The following LHFPL3 variants were observed in gnomAD, a reference collection of about 807,000 sequenced individuals.
The protein encoded by LHFPL3 is LHFPL tetraspan subfamily member 3, also known as LHFPL tetraspan subfamily member 3 protein.
LHFPL3 carries 5 observed loss-of-function variants against 19.3 expected under a neutral mutation model. The ratio of observed to expected loss-of-function variants is 0.26; its 90% CI spans 0.14 to 0.54. The LOEUF is 0.54. LHFPL3 is among the 20% of genes least tolerant of loss of function. The pLI is 0.94. For missense variants in LHFPL3, 249 were observed against 307.4 expected (o/e 0.81, Z 1.42); for synonymous variants, 133 against 126.2 (o/e 1.05, Z -0.36).
intron 2 of LHFPL3, among the ~76,000 whole-genome samples, chr7:104,832,622 TTC>T (rs1445500580): frequency 2.7e-4 from 5 of 18,850 alleles, no homozygotes; most frequent in African/African-American, 4.6e-4. Context: ...TCTTTTTTCC[TTC>T]TTTTTTTTTT....
At chr7:104,847,613 C>T (rs1012907088) in intron 2 of LHFPL3, among the ~76,000 whole-genome samples, 5 of 152,132 alleles carry the variant, frequency 3.3e-5, no homozygotes, top group Admixed American at 2.0e-4. Flanking sequence ...CAGGTTTGAG[C>T]GATTCTCCTG....
chr7:104,464,169 A>G (rs1792729863), intron 1 of LHFPL3, among the ~76,000 whole-genome samples: 1 of 152,240 alleles, frequency 6.6e-6, no homozygotes, highest in African/African-American at 2.4e-5. Context: ...TAAACCTTAA[A>G]GTTCTAAAAT....
Position 104,663,013 on chromosome 7 carries a change from C to A in LHFPL3, c.446-73662C>A, listed in dbSNP as rs76243801. Among the ~76,000 whole-genome samples the A allele has an allele frequency of 5.1e-3, 784 of 152,296 alleles. 44 individuals carry two copies. In the East Asian group the frequency reaches 0.11, roughly 22 times the overall value. ...CAGTTCCTCATGTAGCCTCTCCTCT[C>A]AAGTTAAACTGTGCTGGGCATTTAA... On this transcript the variant is annotated intron_variant, in intron 1 of 2. Coordinates refer to ENST00000424859, the MANE Select transcript of LHFPL3 (RefSeq NM_199000.3).
chr7:104,765,717 A>G (rs528567852), intron 2 of LHFPL3, among the ~76,000 whole-genome samples: 1 of 152,214 alleles, frequency 6.6e-6, no homozygotes, highest in South Asian at 2.1e-4. Flanking sequence ...TCCCATGATG[A>G]CCTTGTAGCA....
At chr7:104,596,270 A>C (rs1474836732) in intron 1 of LHFPL3, among the ~76,000 whole-genome samples, 2 of 152,324 alleles carry the variant, frequency 1.3e-5, no homozygotes, top group East Asian at 3.9e-4. Flanking sequence ...GCATTTATTC[A>C]AAAGGCAGCA....
intron 1 of LHFPL3, among the ~76,000 whole-genome samples, chr7:104,718,104 A>G (rs1423870259): frequency 6.6e-6 from 1 of 152,230 alleles, no homozygotes; most frequent in Non-Finnish European, 1.5e-5. Context: ...TTAAACTCAT[A>G]GAATCAGTGA....
intron 1 of LHFPL3, among the ~76,000 whole-genome samples, chr7:104,441,871 G>T (rs532689212): frequency 6.6e-6 from 1 of 152,282 alleles, no homozygotes; most frequent in East Asian, 1.9e-4. Context: ...ACTGCGCCTG[G>T]CTGAGAACCC....
intron 1 of LHFPL3, among the ~76,000 whole-genome samples, chr7:104,365,597 AG>A (rs1790471286): frequency 6.7e-6 from 1 of 150,034 alleles, no homozygotes; most frequent in Non-Finnish European, 1.5e-5. Context: ...CTGGCTAACA[AG>A]GTGAAACCCC....
At chr7:104,806,424 G>A (rs941525476) in intron 2 of LHFPL3, among the ~76,000 whole-genome samples, 4 of 152,070 alleles carry the variant, frequency 2.6e-5, no homozygotes, top group Non-Finnish European at 5.9e-5. Context: ...ACCAATAAAG[G>A]GATTGCATTG....
chr7:104,797,106 A>C (rs1485743992), intron 2 of LHFPL3, among the ~76,000 whole-genome samples: 1 of 152,242 alleles, frequency 6.6e-6, no homozygotes, highest in Non-Finnish European at 1.5e-5. Flanking sequence ...TCCTGGTGTC[A>C]GAAAATGGGA....
chr7:104,378,355 G>T (rs925435820), intron 1 of LHFPL3, among the ~76,000 whole-genome samples: 1 of 152,156 alleles, frequency 6.6e-6, no homozygotes. Flanking sequence ...ACGCTTTTCA[G>T]ATTTATTGAA....
chr7:104,396,634 C>T (rs1031526664), intron 1 of LHFPL3, among the ~76,000 whole-genome samples: 2 of 104,632 alleles, frequency 1.9e-5, no homozygotes, highest in African/African-American at 7.8e-5. Context: ...AAATATGGTA[C>T]AAAATTAGAA....
intron 1 of LHFPL3, among the ~76,000 whole-genome samples, chr7:104,682,767 G>T (rs13242612): frequency 0.49 from 74,861 of 152,006 alleles, 18,851 homozygotes; most frequent in East Asian, 0.59. Flanking sequence ...TGTCATGTGT[G>T]TTCACATTAA....
At chr7:104,634,625 C>T (rs964882162) in intron 1 of LHFPL3, among the ~76,000 whole-genome samples, 6 of 152,128 alleles carry the variant, frequency 3.9e-5, no homozygotes, top group African/African-American at 1.4e-4. Context: ...TTCTTCCATC[C>T]CCCAGCCCTA....
intron 2 of LHFPL3, among the ~76,000 whole-genome samples, chr7:104,859,052 C>T (rs747915910): frequency 3.9e-5 from 6 of 152,022 alleles, no homozygotes; most frequent in Middle Eastern, 3.4e-3. Context: ...CACCTGAGGT[C>T]AGGAGTTCGA....
chr7:104,627,580 G>C (rs1354534128), intron 1 of LHFPL3, among the ~76,000 whole-genome samples: 6 of 152,092 alleles, frequency 3.9e-5, no homozygotes, highest in Non-Finnish European at 8.8e-5. Flanking sequence ...CAGCCCCAAA[G>C]GATTCTTACT....
At chr7:104,838,730 G>A (rs1281881862) in intron 2 of LHFPL3, among the ~76,000 whole-genome samples, 1 of 152,156 alleles carries the variant, frequency 6.6e-6, no homozygotes, top group Non-Finnish European at 1.5e-5. Flanking sequence ...TTGAGTGCTT[G>A]AAATGTGTCT....
rs562357547 is a variant in LHFPL3 at position 104,872,418 on chromosome 7, G to A, written c.683-33769G>A. ...CCCACACTTTAGGAGGCCAAGGTGGGTGGATCACTTGAGGTCAAGAGTTCA... is the reference window on the plus strand; with the variant it reads ...CCCACACTTTAGGAGGCCAAGGTGGATGGATCACTTGAGGTCAAGAGTTCA... On this transcript the variant is annotated intron_variant, in intron 2 of 2. Coordinates refer to ENST00000424859, the MANE Select transcript of LHFPL3 (RefSeq NM_199000.3). 3.3e-5 allele frequency among the ~76,000 whole-genome samples: 5 copies of A among 152,212 alleles called. No individual in the cohort carries two copies. In the South Asian group the frequency reaches 8.3e-4, roughly 25 times the overall value.
intron 1 of LHFPL3, among the ~76,000 whole-genome samples, chr7:104,730,141 T>A (rs1436044843): frequency 6.6e-6 from 1 of 152,218 alleles, no homozygotes; most frequent in African/African-American, 2.4e-5. Flanking sequence ...ATCTAGTCTA[T>A]CATTGTTGCA....
Sources: gnomAD v4.1 joint callset for allele counts (sites outside exome capture counted in the v4.1 genomes callset) on GRCh38, gnomAD v4.1.1 for gene constraint, MANE v1.5 for transcripts, NCBI Gene and HGNC (gene_info 2026-07-23, HGNC 2026-07-21) for gene names.